The following RBM46 variants were observed in gnomAD, a reference collection of about 807,000 sequenced individuals.
RBM46 encodes the protein probable RNA-binding protein 46.
In RBM46, 12 loss-of-function variants were observed where a neutral mutation model predicts 43.3. The observed-to-expected ratio is 0.28, with a 90% confidence interval of 0.18 to 0.45. The LOEUF (loss-of-function observed/expected upper bound fraction) is 0.45, where lower values mean the gene tolerates loss of function less well. Among genes scored for constraint, RBM46 ranks in the 20% least tolerant of loss-of-function variants. The pLI is 1.00. For missense variants in RBM46, 412 were observed against 639.1 expected, an observed-to-expected ratio of 0.64 and a Z score of 3.83; for synonymous variants, 205 against 207.6, an observed-to-expected ratio of 0.99 and a Z score of 0.11.
intron 1 of RBM46, among the ~76,000 whole-genome samples, chr4:154,788,462 G>A (rs1733901658): frequency 6.6e-6 from 1 of 152,068 alleles, no homozygotes; most frequent in Non-Finnish European, 1.5e-5. Flanking sequence ...CCCATTTCTT[G>A]TTTTTGTCAG....
chr4:154,786,788 A>G (rs998335923), intron 1 of RBM46, among the ~76,000 whole-genome samples: 2 of 152,062 alleles, frequency 1.3e-5, no homozygotes, highest in Non-Finnish European at 2.9e-5. Context: ...TTAGCCAGGC[A>G]TGATGGCGCA....
At chr4:154,802,368 A>G (rs1000488727) in intron 4 of RBM46, among the ~76,000 whole-genome samples, 1 of 152,240 alleles carries the variant, frequency 6.6e-6, no homozygotes, top group African/African-American at 2.4e-5. Context: ...GTAGACAGTG[A>G]GGAGGTTCTA....
chr4:154,809,175 A>G (rs905693353), intron 4 of RBM46, among the ~76,000 whole-genome samples: 3 of 151,978 alleles, frequency 2.0e-5, no homozygotes, highest in East Asian at 3.9e-4. Flanking sequence ...ATTTTTTTAT[A>G]TCTTTACATT....
chr4:154,791,695 G>T (rs913931624), intron 1 of RBM46, among the ~76,000 whole-genome samples: 2 of 152,150 alleles, frequency 1.3e-5, no homozygotes, highest in African/African-American at 4.8e-5. Flanking sequence ...TCAAAGTTTA[G>T]TTGCTCTAGA....
intron 4 of RBM46, chr4:154,827,635 G>C: frequency 7.6e-7 from 1 of 1,310,860 alleles, no homozygotes; most frequent in Non-Finnish European, 9.7e-7. Context: ...ATTCATTCTG[G>C]TAAGATCTCT....
chr4:154,827,130 A>G (rs1218272021), intron 4 of RBM46: 6 of 978,320 alleles, frequency 6.1e-6, no homozygotes, highest in African/African-American at 1.7e-5. Context: ...GAAATTATTG[A>G]TGCATAAGAT....
chr4:154,827,983 T>C lies in RBM46; in HGVS notation c.1518T>C (p.Tyr506=). 1 of 1,614,038 alleles carries C rather than the reference T, an allele frequency of 6.2e-7. No individual in the cohort carries two copies. Among genetic ancestry groups the C allele is most frequent in the Admixed American group, 1.7e-5 (1 of 60,002 alleles). ...CAAGGCCTTATTCTTATCCAGGCTA[T>C]CCTTTGTCACCAACAATATCACTTG... ...YTSRPYSYPG[Y]PLSPTISLAN... The change falls in exon 5 of 5, where the codon TAT becomes TAC. Residue 506 remains tyrosine, a synonymous_variant. Coordinates refer to ENST00000281722, the MANE Select transcript of RBM46 (RefSeq NM_144979.5).
At chr4:154,826,234 GA>G (rs1735956019) in intron 4 of RBM46, among the ~76,000 whole-genome samples, 1 of 151,464 alleles carries the variant, frequency 6.6e-6, no homozygotes, top group African/African-American at 2.4e-5. Context: ...GAGGTGGGTG[GA>G]TCACTTGAGG....
intron 4 of RBM46, among the ~76,000 whole-genome samples, chr4:154,825,814 A>C (rs1735931484): frequency 6.6e-6 from 1 of 152,176 alleles, no homozygotes; most frequent in Admixed American, 6.5e-5. Context: ...TTACCTGAAG[A>C]TACCTTCAGT....
Position 154,827,888 on chromosome 4 carries a change from T to C in RBM46, c.1423T>C (p.Ser475Pro). ...LHLDYNFHRSSINSLSPVSAT... is the reference protein window; with the variant it reads ...LHLDYNFHRSPINSLSPVSAT... The stretch of plus-strand genomic sequence containing the variant: ...TACAGACTACAATTTCCATCGCAGC[T>C]CAATAAATAGTCTTTCCCCTGTTAG... The change falls in exon 5 of 5, where the codon TCA becomes CCA. Residue 475 changes from serine (S) to proline (P), a missense_variant. By Grantham distance (74) the Ser-to-Pro change is moderately conservative. Transcript: ENST00000281722. The C allele has an allele frequency of 1.9e-6, 3 of 1,613,940 alleles. No homozygotes were observed. The highest frequency in any genetic ancestry group is 2.5e-6 in the Non-Finnish European group (3 of 1,179,850).
In RBM46 at chr4:154,827,122, AATT is replaced by A. The variant is rs1736004877; in HGVS notation, c.1403-742_1403-740del. On this transcript the variant is annotated intron_variant, in intron 4 of 4. Transcript: ENST00000281722. ...AAATGTTGCAGTTAATGAAACAGGA[AATT>A]ATTGATGCATAAGATGAATGTTTAT... 5 of 1,005,528 alleles carry A rather than the reference AATT, an allele frequency of 5.0e-6. No homozygotes were observed. The South Asian group carries it at 1.4e-4, about 29-fold the overall frequency. The allele number at this position is 1,005,528 out of a possible 1,614,324, so 62.3% of individuals were successfully genotyped here. A position where few individuals can be genotyped will look rare whatever the true frequency, so the allele number is the denominator to read the frequency against.
intron 4 of RBM46, among the ~76,000 whole-genome samples, chr4:154,813,930 A>C (rs190095164): frequency 6.6e-6 from 1 of 152,150 alleles, no homozygotes; most frequent in Admixed American, 6.5e-5. Flanking sequence ...TTTAAAATTT[A>C]TATGGAATTT....
At chr4:154,816,100 A>G (rs1215918240) in intron 4 of RBM46, among the ~76,000 whole-genome samples, 1 of 152,072 alleles carries the variant, frequency 6.6e-6, no homozygotes, top group African/African-American at 2.4e-5. Context: ...ATTCTATTCC[A>G]TTGATCTGTT....
intron 4 of RBM46, chr4:154,827,436 C>T (rs1307328670): frequency 9.0e-6 from 9 of 994,722 alleles, no homozygotes; most frequent in Middle Eastern, 1.0e-3. Flanking sequence ...GTGAATGTTT[C>T]TGCTGGTTTG....
intron 1 of RBM46, among the ~76,000 whole-genome samples, chr4:154,783,154 A>G (rs567605287): frequency 6.6e-6 from 1 of 152,366 alleles, no homozygotes; most frequent in African/African-American, 2.4e-5. Flanking sequence ...TAAAGATGAC[A>G]GTGCTGCCTG....
chr4:154,826,957 T>C, intron 4 of RBM46: 1 of 1,314,926 alleles, frequency 7.6e-7, no homozygotes, highest in Non-Finnish European at 9.7e-7. Flanking sequence ...CTTCCATTCC[T>C]AGAAACACCA....
At chr4:154,827,416 CA>C (rs1736016261) in intron 4 of RBM46, 1 of 987,470 alleles carries the variant, frequency 1.0e-6, no homozygotes, top group Non-Finnish European at 1.2e-6. Context: ...AATGTTTTTG[CA>C]GTCCAGGGGT....
At chr4:154,792,957 C>T (rs1028080641) in intron 1 of RBM46, among the ~76,000 whole-genome samples, 7 of 152,150 alleles carry the variant, frequency 4.6e-5, no homozygotes. Flanking sequence ...TCTTGATAAT[C>T]ACAGAAAAGT....
At chr4:154,788,923 G>T (rs1409167133) in intron 1 of RBM46, among the ~76,000 whole-genome samples, 1 of 152,052 alleles carries the variant, frequency 6.6e-6, no homozygotes, top group African/African-American at 2.4e-5. Flanking sequence ...GGCTTCCTAG[G>T]TATTTTATTC....
Sources: gnomAD v4.1 joint callset for allele counts (sites outside exome capture counted in the v4.1 genomes callset) on GRCh38, gnomAD v4.1.1 for gene constraint, MANE v1.5 for transcripts, NCBI Gene and HGNC (gene_info 2026-07-23, HGNC 2026-07-21) for gene names.